EXOC4: variants seen among roughly 807,000 people sequenced by gnomAD.
EXOC4 encodes the protein exocyst complex component 4, also known as SEC8-like 1.
In EXOC4, 71 loss-of-function variants were observed where a neutral mutation model predicts 107.2. That is an observed-to-expected ratio of 0.66 (90% CI 0.55 to 0.81). The LOEUF is 0.81. Ranked by LOEUF, EXOC4 falls within the 30% of genes least tolerant of loss-of-function variation. EXOC4 has a pLI of 0.00. For missense variants in EXOC4, 1,108 were observed against 1,189.6 expected (o/e 0.93, Z 1.01); for synonymous variants, 456 against 441.2 (o/e 1.03, Z -0.42).
chr7:133,253,093 G>A lies in EXOC4; in HGVS notation c.-9G>A, dbSNP rs754597242. On this transcript the variant is annotated 5_prime_UTR_variant, in exon 1 of 18. Coordinates refer to ENST00000253861, the MANE Select transcript of EXOC4 (RefSeq NM_021807.4). ...TCCTTGGAGCCTAGCGGCTCTCCCC[G>A]CGTCCAAGATGGCGGCAGAAGCAGC... 4.3e-5 allele frequency: 70 copies of A among 1,613,926 alleles called. No homozygotes were observed. Among genetic ancestry groups the A allele is most frequent in the Admixed American group, 2.5e-4 (15 of 59,994 alleles).
intron 7 of EXOC4, among the ~76,000 whole-genome samples, chr7:133,428,881 T>C (rs889825122): frequency 3.3e-5 from 5 of 152,214 alleles, no homozygotes; most frequent in Admixed American, 1.3e-4. Flanking sequence ...AATTTTTTTC[T>C]TTTGTGTTTT....
At chr7:133,501,137 T>C (rs1436586948) in intron 9 of EXOC4, among the ~76,000 whole-genome samples, 1 of 152,208 alleles carries the variant, frequency 6.6e-6, no homozygotes, top group Non-Finnish European at 1.5e-5. Context: ...CTACTCATAC[T>C]CATTATTGTA....
intron 10 of EXOC4, among the ~76,000 whole-genome samples, chr7:133,688,939 T>C (rs1294976591): frequency 6.6e-6 from 1 of 152,218 alleles, no homozygotes; most frequent in Non-Finnish European, 1.5e-5. Flanking sequence ...ATTTTGTGAA[T>C]GTGACTATTT....
intron 8 of EXOC4, chr7:133,479,613 A>T: frequency 6.0e-6 from 1 of 167,398 alleles, no homozygotes; most frequent in South Asian, 1.6e-4. Context: ...GAAGTTAGGC[A>T]TGAGTTCTGC....
chr7:133,859,311 C>CA (rs1414222951), intron 11 of EXOC4, among the ~76,000 whole-genome samples: 7 of 152,288 alleles, frequency 4.6e-5, no homozygotes, highest in African/African-American at 1.7e-4. Flanking sequence ...CCCACTACCT[C>CA]ACCCAGAGAG....
chr7:133,790,822 C>A (rs1238972061), intron 10 of EXOC4, among the ~76,000 whole-genome samples: 1 of 152,204 alleles, frequency 6.6e-6, no homozygotes, highest in East Asian at 1.9e-4. Flanking sequence ...AAACAGAGAA[C>A]ATTCATTCTC....
Position 133,422,819 on chromosome 7 carries a change from T to G in EXOC4, c.1182+47817T>G, listed in dbSNP as rs531992942. On this transcript the variant is annotated intron_variant, in intron 7 of 17. Coordinates refer to ENST00000253861, the MANE Select transcript of EXOC4 (RefSeq NM_021807.4). ...CTGTAGTTAGAATTTTAGAGAAGTA[T>G]GTGAAAGTTTTATCTTACTACAGAA... Among the ~76,000 whole-genome samples the G allele has an allele frequency of 7.2e-5, 11 of 152,338 alleles. No homozygotes were observed. The East Asian group carries it at 2.1e-3, about 29-fold the overall frequency.
intron 7 of EXOC4, among the ~76,000 whole-genome samples, chr7:133,441,002 G>GTC (rs1554453503): frequency 6.6e-6 from 1 of 151,552 alleles, no homozygotes; most frequent in Non-Finnish European, 1.5e-5. Context: ...TCTCTTGGAT[G>GTC]TGGATCAGGA....
intron 6 of EXOC4, among the ~76,000 whole-genome samples, chr7:133,360,309 A>G (rs1413569712): frequency 6.6e-6 from 1 of 152,378 alleles, no homozygotes; most frequent in East Asian, 1.9e-4. Flanking sequence ...AAGATGTGGT[A>G]TCTTGTCAAG....
At chr7:133,429,514 T>C (rs899790499) in intron 7 of EXOC4, among the ~76,000 whole-genome samples, 2 of 152,224 alleles carry the variant, frequency 1.3e-5, no homozygotes, top group Admixed American at 1.3e-4. Flanking sequence ...CACAGGGTTT[T>C]GCAACTATCA....
intron 5 of EXOC4, among the ~76,000 whole-genome samples, chr7:133,334,257 A>G (rs535252408): frequency 5.9e-5 from 9 of 151,698 alleles, no homozygotes; most frequent in African/African-American, 2.2e-4. Context: ...TTTCCTTCCT[A>G]TTTTTTCCGT....
chr7:133,670,263 GA>G (rs1413808048), intron 10 of EXOC4, among the ~76,000 whole-genome samples: 2 of 152,174 alleles, frequency 1.3e-5, no homozygotes, highest in African/African-American at 2.4e-5. Context: ...TTGTGACAGG[GA>G]AAGTTCTTTA....
chr7:133,806,356 G>GTGCAGCAGCA (rs1797077466), intron 10 of EXOC4, among the ~76,000 whole-genome samples: 10 of 152,094 alleles, frequency 6.6e-5, no homozygotes, highest in Admixed American at 6.5e-4. Flanking sequence ...GTGCAGCAGC[G>GTGCAGCAGCA]AAGAGCTCCA....
intron 7 of EXOC4, among the ~76,000 whole-genome samples, chr7:133,474,354 T>A (rs149565091): frequency 0.015 from 2,232 of 152,116 alleles, 67 homozygotes; most frequent in African/African-American, 0.051. Flanking sequence ...CTCACCCTGT[T>A]GCCCAGGCTG....
intron 10 of EXOC4, among the ~76,000 whole-genome samples, chr7:133,774,189 TC>T (rs1329167433): frequency 2.0e-5 from 3 of 152,046 alleles, no homozygotes; most frequent in Non-Finnish European, 1.5e-5. Context: ...GCCATTAACA[TC>T]CCCGAAGAGC....
intron 9 of EXOC4, among the ~76,000 whole-genome samples, chr7:133,573,262 A>G (rs1386185259): frequency 6.6e-6 from 1 of 152,250 alleles, no homozygotes; most frequent in African/African-American, 2.4e-5. Context: ...GCATTTTTAC[A>G]GAATGGCAAA....
At chr7:133,860,202 CAATTCTAAGCTGTT>C (rs1208598223) in intron 11 of EXOC4, among the ~76,000 whole-genome samples, 4 of 152,124 alleles carry the variant, frequency 2.6e-5, no homozygotes. Context: ...GAGAGGAGCC[CAATTCTAAGCTGTT>C]AACTGTGTGA....
chr7:133,606,859 TGTGATAG>T (rs1320914618), intron 9 of EXOC4, among the ~76,000 whole-genome samples: 87 of 152,118 alleles, frequency 5.7e-4, no homozygotes, highest in Non-Finnish European at 2.9e-5. Flanking sequence ...AGCACATTGG[TGTGATAG>T]GTGTCTTCCT....
In EXOC4 at chr7:134,064,522, C is replaced by T. The variant is rs201723198; in HGVS notation, c.2919C>T (p.Thr973=). 1.6e-4 allele frequency: 261 copies of T among 1,590,618 alleles called. 3 individuals carry two copies. The East Asian group carries it at 3.8e-3, about 23-fold the overall frequency. ...KQATKDKKIT[T]V ...CCACCAAGGACAAGAAGATAACTAC[C>T]GTTTAGCAGGGCGTACTGCGGTTGG... The change falls in exon 18 of 18, where the codon ACC becomes ACT. Residue 973 remains threonine, a synonymous_variant. Coordinates refer to ENST00000253861, the MANE Select transcript of EXOC4 (RefSeq NM_021807.4).
Sources: allele counts gnomAD v4.1 joint callset (sites outside exome capture counted in the v4.1 genomes callset), GRCh38; gene constraint gnomAD v4.1.1; transcripts MANE v1.5; gene names NCBI Gene and HGNC (gene_info 2026-07-23, HGNC 2026-07-21).